The following TMEM74 variants were observed in gnomAD, a reference collection of about 807,000 sequenced individuals.
The protein encoded by TMEM74 is transmembrane protein 74.
Under a neutral mutation model 18.1 loss-of-function variants are expected in TMEM74, and 13 were observed. The observed-to-expected ratio is 0.72, with a 90% CI of 0.47 to 1.14. The LOEUF (loss-of-function observed/expected upper bound fraction) is 1.14. Among genes scored for constraint, TMEM74 ranks in the 50% most tolerant of loss-of-function variants. The probability of loss-of-function intolerance (pLI) is 0.00; values close to 1 mark genes in which losing one functional copy is unlikely to be tolerated. For synonymous variants in TMEM74, 159 were observed against 146.6 expected, an observed-to-expected ratio of 1.08 and a Z score of -0.61; for missense variants, 372 against 375.9, an observed-to-expected ratio of 0.99 and a Z score of 0.09.
intron 1 of TMEM74, among the ~76,000 whole-genome samples, chr8:108,678,727 A>C (rs1586257660): frequency 6.7e-6 from 1 of 149,916 alleles, no homozygotes; most frequent in East Asian, 1.9e-4. Context: ...TTGCTTTTTA[A>C]AATTTATATA....
Position 108,784,501 on chromosome 8 carries a change from G to C in TMEM74, c.598C>G (p.Arg200Gly), listed in dbSNP as rs541597504. 2.5e-6 allele frequency: 4 copies of C among 1,614,140 alleles called. No individual in the cohort carries two copies. Among genetic ancestry groups the C allele is most frequent in the Non-Finnish European group, 2.5e-6 (3 of 1,180,028 alleles). The change falls in exon 2 of 2, where the codon CGG (arginine) becomes GGG (glycine). Residue 200 changes from arginine to glycine, a missense_variant. Coordinates refer to ENST00000297459, the MANE Select transcript of TMEM74 (RefSeq NM_153015.3). The part of the protein sequence containing the change: ...LLVIISYIVP[R>G]EVTVDPNTVA... ...GTGTTGGGGTCCACAGTCACTTCCC[G>C]TGGGACGATGTAAGAGATGATCACG...
intron 1 of TMEM74, among the ~76,000 whole-genome samples, chr8:108,750,520 A>G (rs888957251): frequency 6.6e-6 from 1 of 152,096 alleles, no homozygotes; most frequent in African/African-American, 2.4e-5. Context: ...TCTCTCTAAA[A>G]GTGATAAATT....
chr8:108,646,386 A>G (rs910537688), intron 2 of TMEM74, among the ~76,000 whole-genome samples: 2 of 152,202 alleles, frequency 1.3e-5, no homozygotes, highest in South Asian at 4.1e-4. Context: ...AATGAGTATA[A>G]TAATAATAAT....
intron 1 of TMEM74, among the ~76,000 whole-genome samples, chr8:108,703,430 A>AC (rs1813357962): frequency 6.6e-6 from 1 of 152,154 alleles, no homozygotes; most frequent in African/African-American, 2.4e-5. Flanking sequence ...TTTGTCAGGG[A>AC]AGAGGAATCA....
At chr8:108,729,506 G>A (rs1813673186) in intron 1 of TMEM74, among the ~76,000 whole-genome samples, 1 of 152,170 alleles carries the variant, frequency 6.6e-6, no homozygotes. Flanking sequence ...TAAGTTCCAG[G>A]AATTAGGGCA....
intron 2 of TMEM74, among the ~76,000 whole-genome samples, chr8:108,622,961 A>G (rs544432871): frequency 1.2e-3 from 178 of 152,194 alleles, no homozygotes; most frequent in African/African-American, 4.2e-3. Context: ...GTACATTCAA[A>G]TTGCTTAAAG....
At chr8:108,688,038 A>G (rs1173483729) in intron 1 of TMEM74, among the ~76,000 whole-genome samples, 33 of 152,234 alleles carry the variant, frequency 2.2e-4, no homozygotes, top group Non-Finnish European at 7.3e-5. Context: ...AATGACTAGC[A>G]TACATTTCAA....
intron 1 of TMEM74, among the ~76,000 whole-genome samples, chr8:108,680,198 G>T (rs1369957247): frequency 6.6e-6 from 1 of 152,052 alleles, no homozygotes; most frequent in Non-Finnish European, 1.5e-5. Flanking sequence ...CCAAAGCCTG[G>T]CAGAGACACA....
intron 1 of TMEM74, among the ~76,000 whole-genome samples, chr8:108,701,255 A>G (rs531629478): frequency 2.0e-5 from 3 of 152,110 alleles, no homozygotes; most frequent in African/African-American, 7.2e-5. Flanking sequence ...CTCCAACTTG[A>G]TAAAGAACAT....
At chr8:108,639,195 T>A (rs566493306) in intron 2 of TMEM74, among the ~76,000 whole-genome samples, 1 of 152,162 alleles carries the variant, frequency 6.6e-6, no homozygotes, top group African/African-American at 2.4e-5. Flanking sequence ...GGGTTTAAAC[T>A]CTAAATTATA....
At chr8:108,684,811 A>G (rs1454290927) in intron 1 of TMEM74, among the ~76,000 whole-genome samples, 2 of 151,778 alleles carry the variant, frequency 1.3e-5, no homozygotes, top group Non-Finnish European at 2.9e-5. Flanking sequence ...CATTTATGCC[A>G]GTACCATGCT....
chr8:108,745,929 C>T (rs777655669), intron 1 of TMEM74, among the ~76,000 whole-genome samples: 10 of 152,094 alleles, frequency 6.6e-5, no homozygotes, highest in Admixed American at 1.3e-4. Flanking sequence ...CATACAGTCC[C>T]CAGTCATGTA....
At chr8:108,674,396 G>A (rs7844999) in intron 1 of TMEM74, among the ~76,000 whole-genome samples, 67,609 of 151,882 alleles carry the variant, frequency 0.45, 15,436 homozygotes, top group East Asian at 0.7. Flanking sequence ...TTGGCTTTTC[G>A]TCTTGCATGT....
At position 108,632,775 on chromosome 8, in the gene TMEM74, T is replaced by C. The variant is rs187335509; in HGVS notation, n.264+22518A>G. Among the ~76,000 whole-genome samples, 548 of 152,130 alleles carry C rather than the reference T, an allele frequency of 3.6e-3. 4 individuals are homozygous for C. Among genetic ancestry groups the C allele is most frequent in the African/African-American group, 0.012 (516 of 41,548 alleles). On this transcript the variant is annotated intron_variant and non_coding_transcript_variant, in intron 2 of 3. Coordinates refer to the TMEM74 transcript ENST00000518838. The stretch of plus-strand genomic sequence containing the variant: ...ATTTTCTTACTATGTGGTTTCTGAG[T>C]AAGTCAGTAACCTAATGTGGGAGTC...
chr8:108,744,207 C>T (rs958089074), intron 1 of TMEM74, among the ~76,000 whole-genome samples: 1 of 152,070 alleles, frequency 6.6e-6, no homozygotes, highest in African/African-American at 2.4e-5. Flanking sequence ...AGATTCAGAT[C>T]GAGTATTTTT....
chr8:108,716,281 A>G (rs1441448924), intron 1 of TMEM74, among the ~76,000 whole-genome samples: 4 of 152,142 alleles, frequency 2.6e-5, no homozygotes, highest in Admixed American at 2.6e-4. Context: ...AAAGTTACAT[A>G]GGATATATTC....
At position 108,637,269 on chromosome 8, in the gene TMEM74, C is replaced by T. The variant is rs114690797; in HGVS notation, n.264+18024G>A. Among the ~76,000 whole-genome samples, 999 of 152,128 alleles carry T rather than the reference C, an allele frequency of 6.6e-3. 9 individuals are homozygous for T. The highest frequency in any genetic ancestry group is 0.023 in the African/African-American group (946 of 41,522). On this transcript the variant is annotated intron_variant and non_coding_transcript_variant, in intron 2 of 3. Coordinates refer to the TMEM74 transcript ENST00000518838. ...TGAAATGTCAGCTCTTTGTAGCTGA[C>T]AGTTAAGAAATACATATTTATTATA...
At chr8:108,670,662 C>T (rs897194983) in intron 1 of TMEM74, among the ~76,000 whole-genome samples, 3 of 152,064 alleles carry the variant, frequency 2.0e-5, no homozygotes, top group African/African-American at 2.4e-5. Flanking sequence ...TAGTTATATA[C>T]GACATCTTTG....
At chr8:108,712,217 G>A (rs1356473953) in intron 1 of TMEM74, among the ~76,000 whole-genome samples, 1 of 152,102 alleles carries the variant, frequency 6.6e-6, no homozygotes, top group Non-Finnish European at 1.5e-5. Flanking sequence ...TCAGGTATGA[G>A]CTTAACCAGA....
Sources: allele counts gnomAD v4.1 joint callset (sites outside exome capture counted in the v4.1 genomes callset), GRCh38; gene constraint gnomAD v4.1.1; transcripts MANE v1.5; gene names NCBI Gene and HGNC (gene_info 2026-07-23, HGNC 2026-07-21).